The following CTNNA3 variants were observed in gnomAD, a reference collection of about 807,000 sequenced individuals.
CTNNA3 encodes the protein catenin alpha 3, also known as catenin alpha-3.
CTNNA3 carries 76 observed loss-of-function variants against 95.7 expected under a neutral mutation model. The observed-to-expected ratio is 0.79, with a 90% CI of 0.66 to 0.96. The LOEUF (loss-of-function observed/expected upper bound fraction) is 0.96, where lower values mean the gene tolerates loss of function less well. Among genes scored for constraint, CTNNA3 ranks in the 40% least tolerant of loss-of-function variants. The pLI is 0.00. For synonymous variants in CTNNA3, 431 were observed against 374.4 expected (o/e 1.15, Z -1.74); for missense variants, 1,191 against 1,089.8 (o/e 1.09, Z -1.31).
At position 65,918,051 on chromosome 10, in the gene CTNNA3, G is replaced by A. The variant is rs74942519; in HGVS notation, c.*2279C>T. ...ATTTTTATTGTTTTATTTAATTATA[G>A]TTTGCTTTGAGCTAAGCTGAAAATC... On this transcript the variant is annotated 3_prime_UTR_variant, in exon 18 of 18. Coordinates refer to ENST00000433211, the MANE Select transcript of CTNNA3 (RefSeq NM_013266.4). 3.3e-3 allele frequency: 506 copies of A among 152,148 alleles called. 4 individuals are homozygous for A. Among genetic ancestry groups the A allele is most frequent in the African/African-American group, 0.011 (476 of 41,540 alleles). The allele number at this position is 152,148 out of a possible 1,614,324, so 9.4% of individuals were successfully genotyped here. A position where few individuals can be genotyped will look rare whatever the true frequency, so the allele number is the denominator to read the frequency against.
chr10:66,926,360 T>G, intron 7 of CTNNA3: 1 of 614,552 alleles, frequency 1.6e-6, no homozygotes, highest in Non-Finnish European at 2.9e-6. Context: ...GATTTTGATG[T>G]TTTGCTGCGA....
intron 12 of CTNNA3, among the ~76,000 whole-genome samples, chr10:66,285,956 T>C (rs1479027913): frequency 6.6e-6 from 1 of 152,038 alleles, no homozygotes; most frequent in African/African-American, 2.4e-5. Flanking sequence ...TTCATTCTCA[T>C]TGCTGTATAG....
intron 5 of CTNNA3, among the ~76,000 whole-genome samples, chr10:67,232,875 A>G (rs1377024798): frequency 6.6e-6 from 1 of 152,042 alleles, no homozygotes; most frequent in Non-Finnish European, 1.5e-5. Flanking sequence ...TCTCTGATAA[A>G]ACAGACTTTA....
intron 9 of CTNNA3, among the ~76,000 whole-genome samples, chr10:66,661,460 C>T (rs7906073): frequency 0.66 from 99,589 of 151,982 alleles, 33,460 homozygotes; most frequent in East Asian, 0.95. Context: ...ACAATTCAAG[C>T]TGAGATTTTG....
intron 15 of CTNNA3, among the ~76,000 whole-genome samples, chr10:66,019,854 A>G (rs2079167372): frequency 6.6e-6 from 1 of 152,204 alleles, no homozygotes; most frequent in African/African-American, 2.4e-5. Context: ...AAATGGAAAT[A>G]TTTAGCATAA....
At chr10:66,796,731 A>T (rs1478068359) in intron 7 of CTNNA3, among the ~76,000 whole-genome samples, 1 of 152,098 alleles carries the variant, frequency 6.6e-6, no homozygotes, top group African/African-American at 2.4e-5. Flanking sequence ...GCAGTCAGAA[A>T]GACCAAGTAG....
rs1199436981 is a variant in CTNNA3 at position 66,609,403 on chromosome 10, C to A, written c.1374+12289G>T. 3.4e-5 allele frequency among the ~76,000 whole-genome samples: 5 copies of A among 147,164 alleles called. No homozygotes were observed. The Admixed American group carries it at 3.5e-4, about 10-fold the overall frequency. On this transcript the variant is annotated intron_variant, in intron 10 of 17. Coordinates refer to ENST00000433211, the MANE Select transcript of CTNNA3 (RefSeq NM_013266.4). ...AGTATGTATAAGAAACTTATACAAGCTTACAAGAAAAGAAAAAGCAACCCC... is the reference window on the plus strand; with the variant it reads ...AGTATGTATAAGAAACTTATACAAGATTACAAGAAAAGAAAAAGCAACCCC...
chr10:67,284,573 T>A (rs1161054086), intron 5 of CTNNA3, among the ~76,000 whole-genome samples: 2 of 152,178 alleles, frequency 1.3e-5, no homozygotes, highest in Non-Finnish European at 2.9e-5. Context: ...AATGTACCCT[T>A]TGGGAGAAAT....
intron 1 of CTNNA3, among the ~76,000 whole-genome samples, chr10:67,738,320 C>G (rs1468411726): frequency 6.6e-6 from 1 of 152,160 alleles, no homozygotes. Flanking sequence ...CTGGAGTGGG[C>G]CTCCAGCAAA....
rs1285650369 is a variant in CTNNA3, at chr10:67,726,426, T to TTATATATAATATATAATATTA, written c.-2+37007_-2+37008insTAATATTATATATTATATATA. Reference sequence around the variant, plus strand: ...ATTATATCATATATAATATTATATATTATATCATATATAATATATAATATT... The same window carrying TTATATATAATATATAATATTA: ...ATTATATCATATATAATATTATATATTATATATAATATATAATATTATATATCATATATAATATATAATATT... On this transcript the variant is annotated intron_variant, in intron 1 of 17. Coordinates refer to the CTNNA3 transcript ENST00000684154. Among the ~76,000 whole-genome samples, 100 of 29,496 alleles carry TTATATATAATATATAATATTA rather than the reference T, an allele frequency of 3.4e-3. 7 individuals carry two copies. In the East Asian group the frequency reaches 0.069, roughly 20 times the overall value. 19.4% of individuals were successfully genotyped at this position (29,496 alleles called of 152,430 possible).
intron 5 of CTNNA3, among the ~76,000 whole-genome samples, chr10:67,484,621 C>T (rs1443738763): frequency 6.6e-6 from 1 of 151,992 alleles, no homozygotes; most frequent in Non-Finnish European, 1.5e-5. Flanking sequence ...AACCAAATAA[C>T]CCCATTAAAA....
intron 5 of CTNNA3, among the ~76,000 whole-genome samples, chr10:67,471,761 T>C (rs1847838943): frequency 6.6e-6 from 1 of 152,206 alleles, no homozygotes; most frequent in Non-Finnish European, 1.5e-5. Flanking sequence ...GCCTTAATTA[T>C]GTATGCTTTT....
At position 65,937,048 on chromosome 10, in the gene CTNNA3, T is replaced by C. The variant is rs529784028; in HGVS notation, c.2401-16431A>G. ...CATAGTATGCACTATATATAAACTT[T>C]TAAGTACTATTACAGTAGCCTCCAA... On this transcript the variant is annotated intron_variant, in intron 17 of 17. Transcript: ENST00000433211. 4.6e-5 allele frequency among the ~76,000 whole-genome samples: 7 copies of C among 152,090 alleles called. No homozygotes were observed. In the South Asian group the frequency reaches 1.0e-3, roughly 23 times the overall value.
chr10:66,441,491 G>A (rs914753537), intron 11 of CTNNA3, among the ~76,000 whole-genome samples: 16 of 152,186 alleles, frequency 1.1e-4, no homozygotes, highest in African/African-American at 3.6e-4. Context: ...TTGCAAATAC[G>A]AAGTAATTTT....
At chr10:66,659,465 GGTT>G (rs1218225451) in intron 9 of CTNNA3, among the ~76,000 whole-genome samples, 1 of 152,140 alleles carries the variant, frequency 6.6e-6, no homozygotes, top group African/African-American at 2.4e-5. Context: ...TTTTCTAACA[GGTT>G]GTTGTGAGAA....
intron 12 of CTNNA3, among the ~76,000 whole-genome samples, chr10:66,351,646 A>G (rs1405813279): frequency 6.6e-6 from 1 of 152,092 alleles, no homozygotes; most frequent in Admixed American, 6.6e-5. Flanking sequence ...GTAGATATTT[A>G]CAAAAATAAA....
chr10:66,407,197 T>G (rs946166072), intron 11 of CTNNA3, among the ~76,000 whole-genome samples: 4 of 132,668 alleles, frequency 3.0e-5, no homozygotes, highest in African/African-American at 9.7e-5. Flanking sequence ...TAAACAACTG[T>G]GCTTAAAAGA....
rs550044752 is a variant in CTNNA3, at chr10:66,633,471, G to C, written c.1282-11687C>G. Among the ~76,000 whole-genome samples, 18 of 152,212 alleles carry C rather than the reference G, an allele frequency of 1.2e-4. No individual in the cohort carries two copies. In the South Asian group the frequency reaches 3.7e-3, roughly 32 times the overall value. ...CAAGGCGGGCAGATCACGAGGTCAG[G>C]AGATCAAGACCATCCTGGCTAACAT... On this transcript the variant is annotated intron_variant, in intron 9 of 17. Coordinates refer to ENST00000433211, the MANE Select transcript of CTNNA3 (RefSeq NM_013266.4).
At chr10:66,879,511 C>G (rs1053212312) in intron 7 of CTNNA3, among the ~76,000 whole-genome samples, 1 of 152,110 alleles carries the variant, frequency 6.6e-6, no homozygotes, top group Admixed American at 6.6e-5. Flanking sequence ...TCTTACCACA[C>G]ACTACTGTGT....
Sources: allele counts gnomAD v4.1 joint callset (sites outside exome capture counted in the v4.1 genomes callset), GRCh38; gene constraint gnomAD v4.1.1; transcripts MANE v1.5; gene names NCBI Gene and HGNC (gene_info 2026-07-23, HGNC 2026-07-21).